Variants in NPHP4 observed in about 807,000 individuals in gnomAD.
The protein encoded by NPHP4 is nephrocystin-4.
NPHP4 carries 151 observed loss-of-function variants against 155.8 expected under a neutral mutation model. The observed-to-expected ratio is 0.97, with a 90% confidence interval of 0.85 to 1.11. The LOEUF (loss-of-function observed/expected upper bound fraction) is 1.11, where lower values mean the gene tolerates loss of function less well. Among genes scored for constraint, NPHP4 ranks in the 50% least tolerant of loss-of-function variants. The pLI is 0.00. For synonymous variants in NPHP4, 845 were observed against 816.8 expected (o/e 1.03, Z -0.59); for missense variants, 1,956 against 1,925.7 (o/e 1.02, Z -0.29).
intron 5 of NPHP4, among the ~76,000 whole-genome samples, chr1:5,962,459 T>C (rs930875420): frequency 2.0e-5 from 3 of 152,190 alleles, no homozygotes; most frequent in Admixed American, 2.0e-4. Flanking sequence ...CGCTGGTCCC[T>C]GCCATCAGAG....
rs1182919955 is a variant in NPHP4 at position 5,952,704 on chromosome 1, T to G, written c.806A>C (p.Gln269Pro). 20 of 1,501,502 alleles carry G rather than the reference T, an allele frequency of 1.3e-5. No individual in the cohort carries two copies. Among genetic ancestry groups the G allele is most frequent in the Non-Finnish European group, 1.8e-5 (20 of 1,114,876 alleles). 93.0% of individuals were successfully genotyped at this position (1,501,502 alleles called of 1,614,324 possible). Residue 269 changes from glutamine to proline, a missense_variant, in exon 7 of 30, where the codon CAG becomes CCG. Transcript: ENST00000378156. The part of the protein sequence containing the change: ...LLELHVQDHF[Q>P]EGCGPLDGGA... ...ATCACGCTTCTGACTCCACACCTCC[T>G]GGAAGTGGTCCTGGACGTGGAGCTC...
chr1:5,887,195 C>A (rs971907889), intron 18 of NPHP4, 91 bp downstream of exon 18: 78 of 1,246,112 alleles, frequency 6.3e-5, no homozygotes, highest in Non-Finnish European at 7.9e-5. Flanking sequence ...CCCGTGAAGC[C>A]CATGATGTGG....
At chr1:5,887,550 GC>G in intron 17 of NPHP4, 84 bp from the exon 18 acceptor site, 1 of 1,455,244 alleles carries the variant, frequency 6.9e-7, no homozygotes, top group Non-Finnish European at 9.4e-7. Context: ...CTGCTCCCCA[GC>G]CCAGCAGGAA....
At chr1:5,887,491 G>A (rs1643886422) in intron 17 of NPHP4, 25 bp from the exon 18 acceptor site, 1 of 1,610,060 alleles carries the variant, frequency 6.2e-7, no homozygotes. Flanking sequence ...AGCGCGTTCA[G>A]AGGCTGGAGC....
intron 11 of NPHP4, among the ~76,000 whole-genome samples, chr1:5,919,357 C>T (rs1200621023): frequency 6.6e-6 from 1 of 152,172 alleles, no homozygotes; most frequent in Non-Finnish European, 1.5e-5. Context: ...GCAGAAGGTA[C>T]AGGGTGTTCC....
At chr1:5,909,295 C>A in intron 11 of NPHP4, 82 bp from the exon 12 acceptor site, 1 of 1,041,420 alleles carries the variant, frequency 9.6e-7, no homozygotes, top group South Asian at 1.4e-5. Flanking sequence ...CCCACGCAGT[C>A]AGGTCTCCAC....
At position 5,892,613 on chromosome 1, in the gene NPHP4, C is replaced by T. The variant is rs1644188349; in HGVS notation, c.2144-1585G>A. Among the ~76,000 whole-genome samples the T allele has an allele frequency of 6.6e-6, 1 of 152,052 alleles. No homozygotes were observed. The highest frequency in any genetic ancestry group is 2.4e-5 in the African/African-American group (1 of 41,386). On this transcript the variant is annotated intron_variant, in intron 16 of 29. Coordinates refer to ENST00000378156, the MANE Select transcript of NPHP4 (RefSeq NM_015102.5). The surrounding 1 kb of genome is among the most constrained non-coding windows in gnomAD (Gnocchi z 4.5). ...CGGTCCAGCGGGGCACTGGAAGGAG[C>T]TCCCCAGGAGACAAGACAGAGGGTC...
intron 16 of NPHP4, among the ~76,000 whole-genome samples, chr1:5,903,848 C>T (rs1644787405): frequency 6.6e-6 from 1 of 152,178 alleles, no homozygotes; most frequent in Non-Finnish European, 1.5e-5. Context: ...CAGCGGTGGG[C>T]ACAATGGCTG....
chr1:5,983,078 G>A (rs1179099216), intron 2 of NPHP4, among the ~76,000 whole-genome samples: 1 of 152,154 alleles, frequency 6.6e-6, no homozygotes, highest in East Asian at 1.9e-4. Context: ...TGGGAGTAGC[G>A]TTAAGAGATG....
chr1:5,928,829 T>G (rs1646140852), intron 10 of NPHP4, among the ~76,000 whole-genome samples: 1 of 152,220 alleles, frequency 6.6e-6, no homozygotes, highest in Non-Finnish European at 1.5e-5. Context: ...TGCTGAGATT[T>G]TGACTGAAAC....
chr1:5,951,081 G>A (rs1647898812), intron 7 of NPHP4, among the ~76,000 whole-genome samples: 1 of 152,190 alleles, frequency 6.6e-6, no homozygotes, highest in African/African-American at 2.4e-5. Context: ...GTTTAGAGAT[G>A]CATCGATAGG....
chr1:5,989,949 G>A (rs1557902732), intron 1 of NPHP4, among the ~76,000 whole-genome samples: 1 of 152,236 alleles, frequency 6.6e-6, no homozygotes, highest in Non-Finnish European at 1.5e-5. Context: ...CACCCACACG[G>A]AAGTCCTGAG....
At chr1:5,923,160 C>T (rs563097027) in intron 11 of NPHP4, among the ~76,000 whole-genome samples, 205 of 152,308 alleles carry the variant, frequency 1.3e-3, no homozygotes, top group African/African-American at 4.7e-3. Context: ...AGCTAGAAGA[C>T]GCTTTCAAAC....
intron 16 of NPHP4, among the ~76,000 whole-genome samples, chr1:5,901,486 G>T (rs1269117071): frequency 6.6e-6 from 1 of 152,214 alleles, no homozygotes; most frequent in Non-Finnish European, 1.5e-5. Context: ...ATTTTGGACT[G>T]TGAATTTTAA....
chr1:5,971,521 AAG>A (rs1267803205), intron 3 of NPHP4, among the ~76,000 whole-genome samples: 31 of 152,350 alleles, frequency 2.0e-4, no homozygotes, highest in African/African-American at 7.5e-4. Flanking sequence ...AGCTTTCAAG[AAG>A]CTCGAGCCTC....
At chr1:5,974,161 G>A (rs1410639693) in intron 3 of NPHP4, among the ~76,000 whole-genome samples, 1 of 152,224 alleles carries the variant, frequency 6.6e-6, no homozygotes, top group African/African-American at 2.4e-5. Flanking sequence ...TGACGAGTAA[G>A]AGCCGCTCAA....
chr1:5,867,559 G>A lies in NPHP4; in HGVS notation c.3472+181C>T. On this transcript the variant is annotated intron_variant, in intron 24 of 29. Coordinates refer to ENST00000378156, the MANE Select transcript of NPHP4 (RefSeq NM_015102.5). The surrounding 1 kb of genome is among the most constrained non-coding windows in gnomAD (Gnocchi z 4.1). ...CAAATGCGCACCTAGTCATCTCAGA[G>A]GTGGCAAGAGGGACACCGTTTCAAA... 1 of 657,506 alleles carries A rather than the reference G, an allele frequency of 1.5e-6. No individual in the cohort carries two copies. Among genetic ancestry groups the A allele is most frequent in the South Asian group, 1.9e-5 (1 of 51,324 alleles). The allele number at this position is 657,506 out of a possible 1,614,324, so 40.7% of individuals were successfully genotyped here.
intron 11 of NPHP4, among the ~76,000 whole-genome samples, 164 bp from the exon 12 acceptor site, chr1:5,909,377 C>A (rs1258868757): frequency 6.6e-6 from 1 of 152,172 alleles, no homozygotes; most frequent in Non-Finnish European, 1.5e-5. Flanking sequence ...GCAAGGGTGC[C>A]ACCCAAAAGT....
chr1:5,909,784 G>A (rs966040843), intron 11 of NPHP4, among the ~76,000 whole-genome samples: 11 of 152,292 alleles, frequency 7.2e-5, no homozygotes, highest in Admixed American at 2.6e-4. Flanking sequence ...TCCCCCTGGA[G>A]CCAGGGACTG....
Sources: allele counts gnomAD v4.1 joint callset (sites outside exome capture counted in the v4.1 genomes callset), GRCh38; gene constraint gnomAD v4.1.1; non-coding constraint Gnocchi (gnomAD v3.1); transcripts MANE v1.5; gene names NCBI Gene and HGNC (gene_info 2026-07-23, HGNC 2026-07-21).